RNF182: variants seen among roughly 807,000 people sequenced by gnomAD.
The protein encoded by RNF182 is E3 ubiquitin-protein ligase RNF182.
Under a neutral mutation model 14.4 loss-of-function variants are expected in RNF182, and 15 were observed. The ratio of observed to expected loss-of-function variants is 1.04; its 90% confidence interval spans 0.70 to 1.60. RNF182 has a LOEUF of 1.60. RNF182 is among the 40% of genes most tolerant of loss of function. The pLI, the probability that RNF182 is intolerant of heterozygous loss-of-function variation, is 0.00. For missense variants in RNF182, 268 were observed against 294.8 expected (o/e 0.91, Z 0.67); for synonymous variants, 128 against 122.9 (o/e 1.04, Z -0.27).
intron 1 of RNF182, among the ~76,000 whole-genome samples, chr6:13,934,460 T>A (rs914964350): frequency 3.3e-5 from 5 of 152,278 alleles, no homozygotes; most frequent in African/African-American, 9.6e-5. Context: ...CATTTTAATG[T>A]AATTTCATTA....
At chr6:13,930,429 G>C (rs1758938847) in intron 1 of RNF182, among the ~76,000 whole-genome samples, 1 of 152,126 alleles carries the variant, frequency 6.6e-6, no homozygotes. Context: ...TGATCCATTT[G>C]CATTGCCTCA....
rs751722064 is a variant in RNF182 at position 13,977,445 on chromosome 6, T to C, written c.326T>C (p.Leu109Pro). Residue 109 changes from leucine to proline, a missense_variant, in exon 3 of 3, where the codon CTG becomes CCG. Transcript: ENST00000488300. ...CTGCCAGAGAACCCTACTGAGCTGC[T>C]GCTCACCCCCAAGAGGCTGGCCTCT... The part of the protein sequence containing the change: ...KCLPENPTEL[L>P]LTPKRLASLV... 2.2e-5 allele frequency: 36 copies of C among 1,614,042 alleles called. No homozygotes were observed. Among genetic ancestry groups the C allele is most frequent in the Non-Finnish European group, 2.9e-5 (34 of 1,180,006 alleles).
intron 1 of RNF182, chr6:13,949,253 G>T (rs1759520394): frequency 5.1e-6 from 4 of 785,056 alleles, no homozygotes; most frequent in Non-Finnish European, 9.4e-6. Context: ...TCAGACACCA[G>T]TTGTTTCCTC....
chr6:13,948,935 GA>G (rs1759511547), intron 1 of RNF182, among the ~76,000 whole-genome samples: 2 of 151,954 alleles, frequency 1.3e-5, no homozygotes, highest in African/African-American at 4.8e-5. Flanking sequence ...GTTCAAAAGA[GA>G]AAGCCAAATT....
chr6:13,949,240 T>C, intron 1 of RNF182: 1 of 788,422 alleles, frequency 1.3e-6, no homozygotes, highest in Non-Finnish European at 2.3e-6. Flanking sequence ...GTTTTAGTCA[T>C]ATTCAGACAC....
chr6:13,943,069 T>C (rs932654764), intron 1 of RNF182, among the ~76,000 whole-genome samples: 1 of 152,210 alleles, frequency 6.6e-6, no homozygotes, highest in Non-Finnish European at 1.5e-5. Flanking sequence ...ACAGCCCTGA[T>C]AGAGCTATAG....
At chr6:13,963,089 TC>T (rs1447176208) in intron 1 of RNF182, among the ~76,000 whole-genome samples, 3 of 152,222 alleles carry the variant, frequency 2.0e-5, no homozygotes, top group African/African-American at 7.2e-5. Flanking sequence ...AATTATAATT[TC>T]CCCTTACTGT....
intron 1 of RNF182, among the ~76,000 whole-genome samples, chr6:13,955,056 A>G (rs1276272519): frequency 3.3e-5 from 5 of 152,178 alleles, no homozygotes; most frequent in Admixed American, 6.5e-5. Flanking sequence ...TTTGGCAGCC[A>G]TTGATAATTA....
chr6:13,970,624 G>T (rs1585047275), intron 1 of RNF182, among the ~76,000 whole-genome samples: 1 of 152,118 alleles, frequency 6.6e-6, no homozygotes, highest in East Asian at 1.9e-4. Flanking sequence ...TTGCTGGGTT[G>T]TAAGGTATTT....
At chr6:13,966,617 G>C (rs1047811136) in intron 1 of RNF182, among the ~76,000 whole-genome samples, 17 of 151,924 alleles carry the variant, frequency 1.1e-4, no homozygotes, top group Non-Finnish European at 2.1e-4. Context: ...ACAAAAATTA[G>C]CTAAGCGTGG....
At chr6:13,946,223 G>A (rs555228790) in intron 1 of RNF182, among the ~76,000 whole-genome samples, 1 of 151,104 alleles carries the variant, frequency 6.6e-6, no homozygotes, top group African/African-American at 2.4e-5. Flanking sequence ...CTAGAGTGCA[G>A]TGGCACAATC....
rs139217671 is a variant in RNF182 at position 13,977,330 on chromosome 6, A to G, written c.211A>G (p.Thr71Ala). 3.1e-6 allele frequency: 5 copies of G among 1,614,054 alleles called. No individual in the cohort carries two copies. In the African/African-American group the frequency reaches 5.3e-5, roughly 17 times the overall value. Residue 71 changes from threonine (T) to alanine (A), a missense_variant, in exon 3 of 3, where the codon ACG (threonine) becomes GCG (alanine). Physicochemically the swap from Thr to Ala is moderately conservative, Grantham distance 58. Coordinates refer to ENST00000488300, the MANE Select transcript of RNF182 (RefSeq NM_152737.4). ...TGTCTGTCCTTTCTGCAGGTTTGAG[A>G]CGTGCCTGCCAGATGATGAAGTTAG... is the stretch of plus-strand genomic sequence containing the variant. ...VIVCPFCRFE[T>A]CLPDDEVSSL...
chr6:13,926,595 C>T (rs1758831687), intron 1 of RNF182, among the ~76,000 whole-genome samples: 1 of 152,076 alleles, frequency 6.6e-6, no homozygotes, highest in Admixed American at 6.5e-5. Context: ...TCTTTCATGA[C>T]GGTAATAAAA....
chr6:13,936,461 T>A (rs1442294630), intron 1 of RNF182, among the ~76,000 whole-genome samples: 1 of 152,238 alleles, frequency 6.6e-6, no homozygotes, highest in East Asian at 1.9e-4. Context: ...ATGGTCGTGG[T>A]TGATTGGTCT....
At position 13,978,045 on chromosome 6, in the gene RNF182, C is replaced by T. The variant is rs903794808; in HGVS notation, c.*182C>T. 4 of 668,428 alleles carry T rather than the reference C, an allele frequency of 6.0e-6. No homozygotes were observed. The highest frequency in any genetic ancestry group is 8.8e-4 in the Middle Eastern group (2 of 2,268). The allele number at this position is 668,428 out of a possible 1,614,324, so 41.4% of individuals were successfully genotyped here. A position where few individuals can be genotyped will look rare whatever the true frequency, so the allele number is the denominator to read the frequency against. The stretch of plus-strand genomic sequence containing the variant: ...CTGGAAGTAAAAATGTTCATTTCTA[C>T]TTAGGGGTTAGCAAAATTGTATAAG... On this transcript the variant is annotated 3_prime_UTR_variant, in exon 3 of 3. Transcript: ENST00000488300.
intron 1 of RNF182, among the ~76,000 whole-genome samples, chr6:13,971,366 G>C (rs899862959): frequency 2.0e-5 from 3 of 152,084 alleles, no homozygotes; most frequent in African/African-American, 7.2e-5. Flanking sequence ...TTCGCCTTCT[G>C]TCATGATTGT....
intron 1 of RNF182, among the ~76,000 whole-genome samples, chr6:13,967,498 A>G (rs1365949523): frequency 1.3e-5 from 2 of 152,234 alleles, no homozygotes; most frequent in African/African-American, 2.4e-5. Context: ...GAAATTGAAT[A>G]AATTAAAAAG....
At chr6:13,938,343 C>G (rs1036481951) in intron 1 of RNF182, among the ~76,000 whole-genome samples, 3 of 151,658 alleles carry the variant, frequency 2.0e-5, no homozygotes, top group Non-Finnish European at 4.4e-5. Flanking sequence ...TTATGGAGTT[C>G]TTTATATTTT....
intron 1 of RNF182, among the ~76,000 whole-genome samples, chr6:13,971,043 G>A (rs1760160613): frequency 6.6e-6 from 1 of 152,084 alleles, no homozygotes; most frequent in Non-Finnish European, 1.5e-5. Context: ...CAAGAAGAGA[G>A]CATTGTTAGC....
Sources: gnomAD v4.1 joint callset for allele counts (sites outside exome capture counted in the v4.1 genomes callset) on GRCh38, gnomAD v4.1.1 for gene constraint, MANE v1.5 for transcripts, NCBI Gene and HGNC (gene_info 2026-07-23, HGNC 2026-07-21) for gene names.